GPC5: variants seen among roughly 807,000 people sequenced by gnomAD.
GPC5 encodes the protein glypican 5, also known as glypican-5.
In GPC5, 47 loss-of-function variants were observed where a neutral mutation model predicts 53.9. The ratio of observed to expected loss-of-function variants is 0.87; its 90% CI spans 0.69 to 1.11. The LOEUF (loss-of-function observed/expected upper bound fraction) is 1.11, where lower values mean the gene tolerates loss of function less well. Among genes scored for constraint, GPC5 ranks in the 50% most tolerant of loss-of-function variants. The probability of loss-of-function intolerance (pLI) is 0.00; values close to 1 mark genes in which losing one functional copy is unlikely to be tolerated. For synonymous variants in GPC5, 286 were observed against 263.3 expected (o/e 1.09, Z -0.84); for missense variants, 748 against 713.1 (o/e 1.05, Z -0.56).
intron 7 of GPC5, among the ~76,000 whole-genome samples, chr13:92,497,362 T>G (rs994110248): frequency 6.6e-5 from 10 of 152,328 alleles, no homozygotes; most frequent in African/African-American, 2.4e-4. Flanking sequence ...GAATAGGAGA[T>G]CCTTCCCCCA....
intron 1 of GPC5, among the ~76,000 whole-genome samples, chr13:91,438,867 C>T (rs1880198803): frequency 6.6e-6 from 1 of 152,102 alleles, no homozygotes; most frequent in African/African-American, 2.4e-5. Context: ...ATGGCGGGCG[C>T]CCCTCCCCCA....
At chr13:92,205,069 G>A (rs1170259214) in intron 7 of GPC5, among the ~76,000 whole-genome samples, 3 of 152,054 alleles carry the variant, frequency 2.0e-5, no homozygotes, top group Non-Finnish European at 4.4e-5. Context: ...TAGTAGAGAA[G>A]GGGTTTCACC....
rs1010730292 is a variant in GPC5 at position 92,632,367 on chromosome 13, A to AT, written c.1562-233907dup. ...TTTATTCTTCATAACTCCCAGAATT[A>AT]TTTTTTTTGGTAAATCTTCCATACG... is the stretch of plus-strand genomic sequence containing the variant. On this transcript the variant is annotated intron_variant, in intron 7 of 7. Coordinates refer to ENST00000377067, the MANE Select transcript of GPC5 (RefSeq NM_004466.6). 9.3e-5 allele frequency among the ~76,000 whole-genome samples: 14 copies of AT among 150,692 alleles called. No individual in the cohort carries two copies. In the East Asian group the frequency reaches 1.4e-3, roughly 15 times the overall value.
At chr13:92,625,472 T>C (rs1885016697) in intron 7 of GPC5, among the ~76,000 whole-genome samples, 1 of 152,178 alleles carries the variant, frequency 6.6e-6, no homozygotes, top group Non-Finnish European at 1.5e-5. Context: ...CACATTTTAA[T>C]GTATAGCGTG....
chr13:91,457,446 T>G (rs991458617), intron 2 of GPC5, among the ~76,000 whole-genome samples: 6 of 152,118 alleles, frequency 3.9e-5, no homozygotes, highest in African/African-American at 1.2e-4. Context: ...GAGATGTTAA[T>G]TTGCATTTGT....
intron 2 of GPC5, among the ~76,000 whole-genome samples, chr13:91,676,173 C>T (rs58496104): frequency 0.037 from 5,629 of 152,182 alleles, 337 homozygotes; most frequent in African/African-American, 0.13. Context: ...CAGGTTCAAG[C>T]GATTCTCCTG....
intron 4 of GPC5, among the ~76,000 whole-genome samples, chr13:91,745,804 C>T (rs75078609): frequency 1.9e-3 from 295 of 152,164 alleles, no homozygotes; most frequent in African/African-American, 7.0e-3. Flanking sequence ...TTATGATAAA[C>T]GTGCCATATA....
At chr13:91,692,990 T>G (rs531348151) in intron 2 of GPC5, among the ~76,000 whole-genome samples, 197 bp from the exon 3 acceptor site, 19 of 152,338 alleles carry the variant, frequency 1.2e-4, no homozygotes, top group African/African-American at 4.1e-4. Context: ...TATGTCTGTA[T>G]AAAACTTGTG....
At chr13:92,308,591 G>A (rs2043126343) in intron 7 of GPC5, among the ~76,000 whole-genome samples, 1 of 152,126 alleles carries the variant, frequency 6.6e-6, no homozygotes, top group Non-Finnish European at 1.5e-5. Context: ...ATGGTACAGA[G>A]CATTTCTACA....
intron 2 of GPC5, among the ~76,000 whole-genome samples, chr13:91,542,952 G>T (rs1268357703): frequency 6.7e-6 from 1 of 150,268 alleles, no homozygotes; most frequent in African/African-American, 2.5e-5. Flanking sequence ...CGCCTCCTGG[G>T]TTCATGCCAT....
chr13:92,084,569 G>A (rs1483650571), intron 6 of GPC5, among the ~76,000 whole-genome samples: 1 of 152,112 alleles, frequency 6.6e-6, no homozygotes, highest in African/African-American at 2.4e-5. Context: ...GACTGAGCAG[G>A]GTTTGAATCC....
At chr13:91,816,316 A>G (rs1269998826) in intron 5 of GPC5, among the ~76,000 whole-genome samples, 1 of 152,122 alleles carries the variant, frequency 6.6e-6, no homozygotes, top group African/African-American at 2.4e-5. Context: ...GTGAATGCTT[A>G]AAAGAATGGC....
At chr13:91,981,681 C>T (rs2040361156) in intron 6 of GPC5, among the ~76,000 whole-genome samples, 1 of 152,108 alleles carries the variant, frequency 6.6e-6, no homozygotes, top group South Asian at 2.1e-4. Flanking sequence ...AGATATAATC[C>T]TTATCACCTA....
chr13:92,135,385 T>C (rs1594776938), intron 6 of GPC5, among the ~76,000 whole-genome samples: 2 of 152,196 alleles, frequency 1.3e-5, no homozygotes. Flanking sequence ...CCTGTTTCAA[T>C]TGTAATATTT....
rs200919096 is a variant in GPC5 at position 92,223,619 on chromosome 13, A to AT, written c.1561+78641dup. ...GATATAAAAAGATGAAACCTCATTG[A>AT]TTTTTTTTTTTCAAAACCTTTGGAT... On this transcript the variant is annotated intron_variant, in intron 7 of 7. Coordinates refer to ENST00000377067, the MANE Select transcript of GPC5 (RefSeq NM_004466.6). Among the ~76,000 whole-genome samples, 174 of 148,074 alleles carry AT rather than the reference A, an allele frequency of 1.2e-3. 3 individuals carry two copies. The East Asian group carries it at 0.019, about 16-fold the overall frequency.
chr13:92,442,681 G>C (rs1026403794), intron 7 of GPC5, among the ~76,000 whole-genome samples: 2 of 152,098 alleles, frequency 1.3e-5, no homozygotes. Context: ...TTCAATTGTG[G>C]TGGTTTCAGG....
chr13:91,399,109 C>T lies in GPC5; in HGVS notation c.63C>T (p.Ser21=), dbSNP rs773226000. 3.1e-6 allele frequency: 5 copies of T among 1,604,526 alleles called. No homozygotes were observed. In the East Asian group the frequency reaches 6.8e-5, roughly 22 times the overall value. ...TCCTCCTTCTGGCCCTGGTTGGGTCCGCCCGCAGCGAGGGCGTGCAGACCT... is the reference window on the plus strand; with the variant it reads ...TCCTCCTTCTGGCCCTGGTTGGGTCTGCCCGCAGCGAGGGCGTGCAGACCT... ...RCLLLLALVG[S]ARSEGVQTCE... is the part of the protein sequence containing the mutation. The change falls in exon 1 of 8, where the codon TCC becomes TCT. Residue 21 remains serine (S), a synonymous_variant. Coordinates refer to ENST00000377067, the MANE Select transcript of GPC5 (RefSeq NM_004466.6).
intron 7 of GPC5, among the ~76,000 whole-genome samples, chr13:92,628,406 C>T (rs2139127416): frequency 6.6e-6 from 1 of 150,862 alleles, no homozygotes; most frequent in East Asian, 2.0e-4. Flanking sequence ...CTGAATTAAT[C>T]CTATTTCAAA....
chr13:91,992,043 A>T (rs1013825483), intron 6 of GPC5, among the ~76,000 whole-genome samples: 4 of 152,036 alleles, frequency 2.6e-5, no homozygotes, highest in Non-Finnish European at 4.4e-5. Flanking sequence ...TGATTTTTTA[A>T]TTTTTATTTT....
Sources: gnomAD v4.1 joint callset for allele counts (sites outside exome capture counted in the v4.1 genomes callset) on GRCh38, gnomAD v4.1.1 for gene constraint, MANE v1.5 for transcripts, NCBI Gene and HGNC (gene_info 2026-07-23, HGNC 2026-07-21) for gene names.